MEG3: variants seen among roughly 807,000 people sequenced by gnomAD.
MEG3 encodes maternally expressed 3, also known as Very putative protein from MEG3 locus.
At chr14:100,829,894 C>T (rs1377340623), downstream of MEG3, 1 of 152,114 alleles carries the variant, frequency 6.6e-6, no homozygotes, top group Non-Finnish European at 1.5e-5. Context: ...GCCTCATTTC[C>T]AGGTGAGGAT....
intron 2 of MEG3, among the ~76,000 whole-genome samples, chr14:100,842,431 A>C (rs1220943418): frequency 6.6e-6 from 1 of 152,190 alleles, no homozygotes; most frequent in Non-Finnish European, 1.5e-5. Context: ...TGATTTCAAA[A>C]GATGTCCCAA....
intron 3 of MEG3, chr14:100,849,076 A>T (rs548683853): frequency 6.6e-6 from 1 of 152,366 alleles, no homozygotes; most frequent in South Asian, 2.1e-4. Context: ...AAGAGAAAGC[A>T]AGAGAGGAGA....
downstream of MEG3, chr14:100,829,204 G>T (rs1254297549): frequency 6.6e-6 from 1 of 152,220 alleles, no homozygotes; most frequent in East Asian, 1.9e-4. Context: ...TGGGCATTAA[G>T]CCCTGACCTT....
intron 2 of MEG3, among the ~76,000 whole-genome samples, chr14:100,836,675 C>T (rs770969106): frequency 3.7e-4 from 57 of 152,108 alleles, no homozygotes; most frequent in Non-Finnish European, 3.5e-4. Context: ...TGCCCACACC[C>T]GGCCCAGGGA....
At chr14:100,853,718 T>G (rs1180343904), upstream of MEG3, 1 of 152,218 alleles carries the variant, frequency 6.6e-6, no homozygotes, top group Non-Finnish European at 1.5e-5. Flanking sequence ...AACCATTCTG[T>G]TATTCTTATG....
intron 1 of MEG3, among the ~76,000 whole-genome samples, chr14:100,827,918 G>A (rs2037287624): frequency 6.6e-6 from 1 of 152,216 alleles, no homozygotes; most frequent in Non-Finnish European, 1.5e-5. Context: ...GCGGAGCGGC[G>A]CTCCAGAGGG....
intron 1 of MEG3, chr14:100,860,654 A>G (rs1403385866): frequency 4.4e-6 from 2 of 456,440 alleles, no homozygotes; most frequent in Non-Finnish European, 8.8e-6. Flanking sequence ...CGAGGCCGGG[A>G]GCAGGTGGCC....
At chr14:100,830,952 ACCT>A (rs2037380738), downstream of MEG3, 1 of 152,506 alleles carries the variant, frequency 6.6e-6, no homozygotes, top group Non-Finnish European at 1.5e-5. Flanking sequence ...TTAGGAGGGG[ACCT>A]TTTGTCTTCC....
At chr14:100,852,238 G>C (rs770481054) in intron 3 of MEG3, 2 of 453,212 alleles carry the variant, frequency 4.4e-6, no homozygotes, top group Non-Finnish European at 4.5e-6. Flanking sequence ...TGGCAGCAAA[G>C]TGGGGTGCTC....
chr14:100,839,840 G>A lies in MEG3; in HGVS notation n.3045+3540G>A, dbSNP rs79222779. On this transcript the variant is annotated intron_variant and non_coding_transcript_variant, in intron 2 of 3. Coordinates refer to the MEG3 transcript ENST00000398461. ...AGAGACCCCTTATCTTTGCCAAGAC[G>A]AGCTCTGCGGTGCCTGAGAGGCCCG... Among the ~76,000 whole-genome samples the A allele has an allele frequency of 3.0e-4, 46 of 152,312 alleles. No homozygotes were observed. In the East Asian group the frequency reaches 7.6e-3, roughly 25 times the overall value.
At position 100,845,404 on chromosome 14, in the gene MEG3, C is replaced by T. The variant is rs1391778325; in HGVS notation, n.3046-54C>T. ...TGTTGTCCTCATCCGCCCTCCTCCT[C>T]CTCGCCGGCCTGAGTGAGGTTCTAC... On this transcript the variant is annotated intron_variant and non_coding_transcript_variant, in intron 2 of 3. Transcript: ENST00000398461. This position sits in a 1 kb window ranked among gnomAD's most constrained non-coding sequence, Gnocchi z 5.2. 2.3e-6 allele frequency: 1 copy of T among 440,246 alleles called. No homozygotes were observed. The highest frequency in any genetic ancestry group is 2.0e-5 in the African/African-American group (1 of 49,702). 27.3% of individuals were successfully genotyped at this position (440,246 alleles called of 1,614,324 possible).
chr14:100,837,667 AC>A lies in MEG3; in HGVS notation n.3045+1373del, dbSNP rs1369231762. On this transcript the variant is annotated intron_variant and non_coding_transcript_variant, in intron 2 of 3. Coordinates refer to the MEG3 transcript ENST00000398461. This position sits in a 1 kb window ranked among gnomAD's most constrained non-coding sequence, Gnocchi z 5.8. The stretch of plus-strand genomic sequence containing the variant: ...CTTGTGCAGGCCTCCGCCCTCCGCC[AC>A]CCCCCACCCCCGGAGTGTCTCTGGT... 6.7e-6 allele frequency among the ~76,000 whole-genome samples: 1 copy of A among 150,126 alleles called. No homozygotes were observed. Among genetic ancestry groups the A allele is most frequent in the Non-Finnish European group, 1.5e-5 (1 of 67,580 alleles).
chr14:100,845,479 C>T lies in MEG3; in HGVS notation n.3067C>T. On this transcript the variant is annotated non_coding_transcript_exon_variant, in exon 3 of 4. Coordinates refer to the MEG3 transcript ENST00000398461. This position sits in a 1 kb window ranked among gnomAD's most constrained non-coding sequence, Gnocchi z 5.2. ...ACAGCGGAAGCCATCACCTGGATGC[C>T]TACGTGGGAAGGGACCTCGAATGTG... 2.2e-6 allele frequency: 1 copy of T among 456,808 alleles called. No individual in the cohort carries two copies. The highest frequency in any genetic ancestry group is 3.3e-4 in the Middle Eastern group (1 of 3,076). 28.3% of individuals were successfully genotyped at this position (456,808 alleles called of 1,614,324 possible).
chr14:100,860,522 C>T (rs571674237), intron 1 of MEG3, among the ~76,000 whole-genome samples: 6 of 152,148 alleles, frequency 3.9e-5, no homozygotes, highest in African/African-American at 9.6e-5. Context: ...GTAGACAGGC[C>T]GAGCTGGTGG....
At chr14:100,859,205 G>T (rs961553463) in exon 1 of MEG3, 2 of 152,278 alleles carry the variant, frequency 1.3e-5, no homozygotes, top group African/African-American at 2.4e-5. Flanking sequence ...TAGCGTACGC[G>T]CATTTGTTTA....
chr14:100,842,357 A>G (rs879410455), intron 2 of MEG3, among the ~76,000 whole-genome samples: 48 of 152,142 alleles, frequency 3.2e-4, no homozygotes, highest in Admixed American at 1.6e-3. Flanking sequence ...GTATGTAAAC[A>G]TCCTCTGTAA....
At chr14:100,838,664 G>A (rs2037662112) in intron 2 of MEG3, among the ~76,000 whole-genome samples, 1 of 152,134 alleles carries the variant, frequency 6.6e-6, no homozygotes, top group Non-Finnish European at 1.5e-5. Context: ...TTGTCATCGT[G>A]CTGATTCCTA....
downstream of MEG3, chr14:100,831,624 C>G (rs1047641151): frequency 2.6e-5 from 4 of 152,268 alleles, no homozygotes; most frequent in African/African-American, 7.2e-5. Context: ...CAGGGCTCTG[C>G]GTCTCCGGTT....
downstream of MEG3, chr14:100,832,297 T>C (rs1432658652): frequency 6.6e-6 from 1 of 152,206 alleles, no homozygotes; most frequent in Non-Finnish European, 1.5e-5. Context: ...TCTGGGTTTT[T>C]AACTCCTTCC....
Sources: allele counts gnomAD v4.1 joint callset (sites outside exome capture counted in the v4.1 genomes callset), GRCh38; gene constraint gnomAD v4.1.1; non-coding constraint Gnocchi (gnomAD v3.1); transcripts MANE v1.5; gene names NCBI Gene and HGNC (gene_info 2026-07-23, HGNC 2026-07-21).